The following SLIT3 variants were observed in gnomAD, a reference collection of about 807,000 sequenced individuals.
SLIT3 encodes slit homolog 3 protein.
A neutral mutation model predicts 184.0 loss-of-function variants in SLIT3; 68 were observed. That is an observed-to-expected ratio of 0.37 (90% confidence interval 0.30 to 0.45). The LOEUF (loss-of-function observed/expected upper bound fraction) is 0.45, where lower values mean the gene tolerates loss of function less well. Ranked by LOEUF, SLIT3 falls within the 20% of genes least tolerant of loss-of-function variation. The pLI is 1.00. For missense variants in SLIT3, 1,707 were observed against 2,026.0 expected, an observed-to-expected ratio of 0.84 and a Z score of 3.02; for synonymous variants, 831 against 828.6, an observed-to-expected ratio of 1.00 and a Z score of -0.05.
rs1459550244 is a variant in SLIT3, at chr5:168,868,335, G to A, written c.485+14930C>T. 5.3e-5 allele frequency among the ~76,000 whole-genome samples: 8 copies of A among 152,142 alleles called. 1 individual carries two copies. Among genetic ancestry groups the A allele is most frequent in the Non-Finnish European group, 1.2e-4 (8 of 68,040 alleles). On this transcript the variant is annotated intron_variant, in intron 5 of 35. Coordinates refer to ENST00000519560, the MANE Select transcript of SLIT3 (RefSeq NM_003062.4). ...GAGTCAGGTCTCACTGTGTTGCCCA[G>A]GCTGGAGTGCACTGGTGCCATCACG...
chr5:168,874,857 C>A (rs989750646), intron 5 of SLIT3, among the ~76,000 whole-genome samples: 2 of 152,144 alleles, frequency 1.3e-5, no homozygotes, highest in African/African-American at 4.8e-5. Flanking sequence ...GGCCCCGGGG[C>A]AAATAGAGAA....
chr5:169,189,526 GGATATATATATATATA>G lies in SLIT3; in HGVS notation c.413+3937_413+3952del, dbSNP rs1458907148. 1.7e-4 allele frequency among the ~76,000 whole-genome samples: 15 copies of G among 86,152 alleles called. No homozygotes were observed. The East Asian group carries it at 3.1e-3, about 18-fold the overall frequency. The allele number at this position is 86,152 out of a possible 152,430, so 56.5% of individuals were successfully genotyped here. On this transcript the variant is annotated intron_variant, in intron 4 of 35. Transcript: ENST00000519560. ...TACAGTACTGCTTCTTAGATAGATG[GGATATATATATATATA>G]TATATATATATATATATATATATAT...
chr5:169,242,583 G>A (rs1765438594), intron 3 of SLIT3, among the ~76,000 whole-genome samples: 1 of 151,976 alleles, frequency 6.6e-6, no homozygotes, highest in Non-Finnish European at 1.5e-5. Context: ...ATTTAAGGAG[G>A]GTAAAGTTGA....
At chr5:168,844,897 T>A in intron 5 of SLIT3, 1 of 46,724 alleles carries the variant, frequency 2.1e-5, no homozygotes. Flanking sequence ...TAATTGCGCA[T>A]TTTTTTTTTT....
At chr5:168,893,164 C>G (rs964843355) in intron 4 of SLIT3, among the ~76,000 whole-genome samples, 2 of 152,108 alleles carry the variant, frequency 1.3e-5, no homozygotes, top group Admixed American at 1.3e-4. Context: ...AATTTTGGAC[C>G]CAATGAGAAG....
At chr5:169,113,378 A>T (rs1355911525) in intron 4 of SLIT3, among the ~76,000 whole-genome samples, 1 of 152,206 alleles carries the variant, frequency 6.6e-6, no homozygotes, top group East Asian at 1.9e-4. Flanking sequence ...AGGTCTATCC[A>T]TGTTGTTGCC....
chr5:168,717,508 A>G (rs183494897), intron 23 of SLIT3, among the ~76,000 whole-genome samples: 5 of 152,208 alleles, frequency 3.3e-5, no homozygotes, highest in East Asian at 1.9e-4. Flanking sequence ...CTTCTAGACC[A>G]AGAGCTCCCT....
intron 9 of SLIT3, among the ~76,000 whole-genome samples, chr5:168,799,036 G>A (rs1219836420): frequency 1.3e-5 from 2 of 152,148 alleles, no homozygotes; most frequent in African/African-American, 4.8e-5. Flanking sequence ...GAGCTGAAGG[G>A]CCTTCATTTT....
intron 23 of SLIT3, 68 bp downstream of exon 23, chr5:168,722,188 G>C: frequency 1.4e-6 from 2 of 1,397,708 alleles, no homozygotes; most frequent in Non-Finnish European, 2.0e-6. Flanking sequence ...GGGAAGGGGA[G>C]TGCTTAGTCT....
chr5:168,896,901 A>G (rs931246343), intron 4 of SLIT3, among the ~76,000 whole-genome samples: 1 of 152,198 alleles, frequency 6.6e-6, no homozygotes, highest in Non-Finnish European at 1.5e-5. Context: ...GGGCAAGTCA[A>G]AGCACCCTTC....
chr5:168,911,686 C>T (rs1252044091), intron 4 of SLIT3, among the ~76,000 whole-genome samples: 1 of 152,080 alleles, frequency 6.6e-6, no homozygotes, highest in Non-Finnish European at 1.5e-5. Flanking sequence ...TATAAGATGT[C>T]GGGATCATAG....
At chr5:168,735,752 C>G (rs1156293238) in intron 20 of SLIT3, among the ~76,000 whole-genome samples, 1 of 151,842 alleles carries the variant, frequency 6.6e-6, no homozygotes, top group Non-Finnish European at 1.5e-5. Context: ...TAATGTTCCT[C>G]TTGCTGTTCA....
chr5:168,896,346 G>A (rs896984542), intron 4 of SLIT3, among the ~76,000 whole-genome samples: 8 of 152,096 alleles, frequency 5.3e-5, no homozygotes, highest in African/African-American at 1.2e-4. Flanking sequence ...AATGAATTTC[G>A]AGTTCATCAC....
intron 8 of SLIT3, among the ~76,000 whole-genome samples, chr5:168,810,993 G>A (rs62378498): frequency 0.011 from 1,663 of 152,198 alleles, 20 homozygotes; most frequent in Non-Finnish European, 0.017. Context: ...CCATAACCAG[G>A]GACCTGCCTC....
intron 4 of SLIT3, among the ~76,000 whole-genome samples, chr5:168,933,430 C>T (rs552299856): frequency 6.6e-6 from 1 of 152,242 alleles, no homozygotes; most frequent in Admixed American, 6.5e-5. Context: ...TAGTCCCAGC[C>T]ACTCAGGCGG....
At chr5:169,116,320 A>G (rs1463725460) in intron 4 of SLIT3, among the ~76,000 whole-genome samples, 2 of 152,188 alleles carry the variant, frequency 1.3e-5, no homozygotes, top group Non-Finnish European at 2.9e-5. Context: ...CCCACGGAAG[A>G]AGAGTGGGAC....
At chr5:169,263,790 A>G (rs949421113) in intron 1 of SLIT3, 17 of 440,246 alleles carry the variant, frequency 3.9e-5, no homozygotes, top group Middle Eastern at 4.5e-4. Flanking sequence ...CTCTCTCTGC[A>G]CAACTCATTT....
intron 1 of SLIT3, among the ~76,000 whole-genome samples, chr5:169,283,950 A>G (rs1054380582): frequency 6.6e-6 from 1 of 152,226 alleles, no homozygotes; most frequent in Non-Finnish European, 1.5e-5. Context: ...CTCGTAGTCA[A>G]TGGTTCCTAA....
At chr5:169,059,193 T>C (rs1016623568) in intron 4 of SLIT3, among the ~76,000 whole-genome samples, 2 of 152,166 alleles carry the variant, frequency 1.3e-5, no homozygotes, top group African/African-American at 4.8e-5. Context: ...GCCTGCAATT[T>C]CTTTGGCTGT....
Sources: allele counts gnomAD v4.1 joint callset (sites outside exome capture counted in the v4.1 genomes callset), GRCh38; gene constraint gnomAD v4.1.1; transcripts MANE v1.5; gene names NCBI Gene and HGNC (gene_info 2026-07-23, HGNC 2026-07-21).